Variants in SUSD6 observed in about 807,000 individuals in gnomAD.
The protein encoded by SUSD6 is sushi domain containing 6.
SUSD6 carries 16 observed loss-of-function variants against 28.4 expected under a neutral mutation model. That is an observed-to-expected ratio of 0.56 (90% CI 0.38 to 0.86). The LOEUF (loss-of-function observed/expected upper bound fraction) is 0.86, where lower values mean the gene tolerates loss of function less well. Among genes scored for constraint, SUSD6 ranks in the 40% least tolerant of loss-of-function variants. SUSD6 has a pLI of 0.00. For missense variants in SUSD6, 341 were observed against 384.2 expected (o/e 0.89, Z 0.94); for synonymous variants, 147 against 159.6 (o/e 0.92, Z 0.59).
chr14:69,674,616 A>G (rs1885880702), intron 2 of SUSD6, among the ~76,000 whole-genome samples: 1 of 152,012 alleles, frequency 6.6e-6, no homozygotes. Context: ...GGTAGCTGGG[A>G]ATGTTTTCAC....
At position 69,662,076 on chromosome 14, in the gene SUSD6, G is replaced by A. The variant is rs556099090; in HGVS notation, c.121+3363G>A. ...TGGGATTATAGGTGTGAACCACTGC[G>A]CCTGGCCTCCTTCTTGCATTTCTTA... is the stretch of plus-strand genomic sequence containing the variant. On this transcript the variant is annotated intron_variant, in intron 2 of 5. Transcript: ENST00000342745. Among the ~76,000 whole-genome samples the A allele has an allele frequency of 5.9e-5, 9 of 152,250 alleles. 1 individual carries two copies. In the South Asian group the frequency reaches 1.7e-3, roughly 28 times the overall value.
chr14:69,693,179 G>A (rs1007320370), intron 2 of SUSD6, among the ~76,000 whole-genome samples: 1 of 152,154 alleles, frequency 6.6e-6, no homozygotes, highest in African/African-American at 2.4e-5. Flanking sequence ...TATAGCAGTG[G>A]TAGTGGCTTT....
rs144371769 is a variant in SUSD6, at chr14:69,671,945, G to A, written c.121+13232G>A. On this transcript the variant is annotated intron_variant, in intron 2 of 5. Transcript: ENST00000342745. The stretch of plus-strand genomic sequence containing the variant: ...CGCAGACCCTGGCCTTGGAGGAATA[G>A]TTAAGATTGTGAATAATAGGATTAA... Among the ~76,000 whole-genome samples, 111 of 152,318 alleles carry A rather than the reference G, an allele frequency of 7.3e-4. 1 individual carries two copies. The South Asian group carries it at 0.015, about 20-fold the overall frequency.
intron 1 of SUSD6, among the ~76,000 whole-genome samples, chr14:69,634,149 C>CA (rs1271910873): frequency 1.3e-5 from 2 of 152,166 alleles, no homozygotes; most frequent in Admixed American, 6.5e-5. Context: ...ATGGTGAGGC[C>CA]AGATGCCTCT....
At chr14:69,678,375 A>G (rs1885946225) in intron 2 of SUSD6, among the ~76,000 whole-genome samples, 1 of 150,308 alleles carries the variant, frequency 6.7e-6, no homozygotes, top group Non-Finnish European at 1.5e-5. Flanking sequence ...TTGATTACAA[A>G]CTATAGTTGT....
intron 1 of SUSD6, among the ~76,000 whole-genome samples, chr14:69,651,913 C>T (rs1453523987): frequency 6.6e-6 from 1 of 152,170 alleles, no homozygotes; most frequent in Non-Finnish European, 1.5e-5. Context: ...AGTGTTAGGA[C>T]TTGTTATCAT....
In SUSD6 at chr14:69,712,068, C is replaced by G. The variant is rs1021322020; in HGVS notation, c.*1089C>G. 6 of 152,298 alleles carry G rather than the reference C, an allele frequency of 3.9e-5. No homozygotes were observed. The highest frequency in any genetic ancestry group is 1.4e-4 in the African/African-American group (6 of 41,456). 9.4% of individuals were successfully genotyped at this position (152,298 alleles called of 1,614,324 possible). On this transcript the variant is annotated 3_prime_UTR_variant, in exon 6 of 6. Coordinates refer to ENST00000342745, the MANE Select transcript of SUSD6 (RefSeq NM_014734.4). ...GACCAAGTCCCCGGGTGGCTGCAGG[C>G]AGCTCCAGCCCGGTCCTGAGGATCC...
At chr14:69,691,582 G>A (rs1031476986) in intron 2 of SUSD6, among the ~76,000 whole-genome samples, 1 of 152,182 alleles carries the variant, frequency 6.6e-6, no homozygotes, top group Admixed American at 6.5e-5. Context: ...CTGACCCCCT[G>A]TTTGGGAGTA....
chr14:69,622,914 A>G (rs1342383858), intron 1 of SUSD6, among the ~76,000 whole-genome samples: 2 of 152,202 alleles, frequency 1.3e-5, no homozygotes, highest in Non-Finnish European at 2.9e-5. Context: ...CATGTAAGAT[A>G]TCGCATACTG....
intron 1 of SUSD6, among the ~76,000 whole-genome samples, chr14:69,643,787 A>T (rs1243630305): frequency 1.3e-5 from 2 of 152,218 alleles, no homozygotes; most frequent in Non-Finnish European, 2.9e-5. Context: ...CTGTAATTCC[A>T]TGAAGTATAG....
chr14:69,622,523 A>G (rs1051523729), intron 1 of SUSD6, among the ~76,000 whole-genome samples: 5 of 152,208 alleles, frequency 3.3e-5, no homozygotes, highest in African/African-American at 1.2e-4. Context: ...AGGATGGTTT[A>G]CGTTTCTCTG....
At chr14:69,690,980 C>T (rs1886145216) in intron 2 of SUSD6, among the ~76,000 whole-genome samples, 1 of 152,168 alleles carries the variant, frequency 6.6e-6, no homozygotes, top group Non-Finnish European at 1.5e-5. Flanking sequence ...GACCCCACCC[C>T]CCAGAATGTA....
chr14:69,699,828 G>C lies in SUSD6; in HGVS notation c.122-3567G>C, dbSNP rs181471865. Among the ~76,000 whole-genome samples the C allele has an allele frequency of 4.9e-4, 75 of 152,180 alleles. 2 individuals carry two copies. The South Asian group carries it at 6.9e-3, about 14-fold the overall frequency. On this transcript the variant is annotated intron_variant, in intron 2 of 5. Coordinates refer to ENST00000342745, the MANE Select transcript of SUSD6 (RefSeq NM_014734.4). ...AGAGAAGAGCTCTCTGCACAGAGAG[G>C]GGTCCCAGAGAAAATGGGTTGCACT...
At chr14:69,655,519 A>C (rs966321073) in intron 1 of SUSD6, among the ~76,000 whole-genome samples, 1 of 152,172 alleles carries the variant, frequency 6.6e-6, no homozygotes, top group Non-Finnish European at 1.5e-5. Context: ...AATGCTAGCC[A>C]GGCAGAGTGG....
intron 1 of SUSD6, among the ~76,000 whole-genome samples, chr14:69,638,423 A>T (rs75929726): frequency 2.2e-5 from 3 of 139,242 alleles, no homozygotes; most frequent in South Asian, 2.4e-4. Flanking sequence ...TGGGGTGGGG[A>T]GTGTGTGTGT....
At chr14:69,645,220 A>C (rs1027277112) in intron 1 of SUSD6, among the ~76,000 whole-genome samples, 16 of 152,188 alleles carry the variant, frequency 1.1e-4, no homozygotes, top group Non-Finnish European at 1.6e-4. Flanking sequence ...AGGTGAAGAC[A>C]TGTCCCTGGA....
At chr14:69,695,734 C>G (rs1021826706) in intron 2 of SUSD6, among the ~76,000 whole-genome samples, 1 of 152,212 alleles carries the variant, frequency 6.6e-6, no homozygotes, top group Non-Finnish European at 1.5e-5. Flanking sequence ...ATCTCAACCC[C>G]TGGCTCATCT....
In SUSD6 at chr14:69,667,378, T is replaced by C. The variant is rs1029129608; in HGVS notation, c.121+8665T>C. 2.7e-4 allele frequency among the ~76,000 whole-genome samples: 38 copies of C among 140,616 alleles called. No homozygotes were observed. The East Asian group carries it at 5.6e-3, about 21-fold the overall frequency. The allele number at this position is 140,616 out of a possible 152,430, so 92.2% of individuals were successfully genotyped here. The stretch of plus-strand genomic sequence containing the variant: ...ATGGTTGCTCACAGTTTCTTTTTTT[T>C]TTTTTTTTTTTTTTTTGAGACGGAG... On this transcript the variant is annotated intron_variant, in intron 2 of 5. Transcript: ENST00000342745.
At chr14:69,613,547 C>T (rs570908225) in intron 1 of SUSD6, among the ~76,000 whole-genome samples, 2 of 152,152 alleles carry the variant, frequency 1.3e-5, no homozygotes, top group African/African-American at 2.4e-5. Context: ...TATGTGATAC[C>T]GAATGTATGC....
Sources: gnomAD v4.1 joint callset for allele counts (sites outside exome capture counted in the v4.1 genomes callset) on GRCh38, gnomAD v4.1.1 for gene constraint, MANE v1.5 for transcripts, NCBI Gene and HGNC (gene_info 2026-07-23, HGNC 2026-07-21) for gene names.